The following ZNF16 variants were observed in gnomAD, a reference collection of about 807,000 sequenced individuals.
The protein encoded by ZNF16 is zinc finger protein 16.
Under a neutral mutation model 9.0 loss-of-function variants are expected in ZNF16, and 7 were observed. The ratio of observed to expected loss-of-function variants is 0.78; its 90% CI spans 0.44 to 1.47. The LOEUF (loss-of-function observed/expected upper bound fraction) is 1.47, where lower values mean the gene tolerates loss of function less well. Ranked by LOEUF, ZNF16 falls within the 40% of genes most tolerant of loss-of-function variation. ZNF16 has a pLI of 0.01. For synonymous variants in ZNF16, 312 were observed against 301.5 expected (o/e 1.03, Z -0.36); for missense variants, 830 against 854.2 (o/e 0.97, Z 0.35).
chr8:144,950,120 T>C (rs188280546), intron 1 of ZNF16, among the ~76,000 whole-genome samples: 3,134 of 152,152 alleles, frequency 0.021, 42 homozygotes, highest in Middle Eastern at 0.065. Flanking sequence ...GAAACAAATC[T>C]GGCCTACGTG....
In ZNF16 at chr8:144,942,134, T is replaced by C. The variant is rs564507855; in HGVS notation, c.196+3877A>G. On this transcript the variant is annotated intron_variant, in intron 2 of 2. Transcript: ENST00000394909. ...CTGGGACTACAGGTGCCCACCACCT[T>C]GCCTGGCTAATTTTTTTGTATTTTT... Among the ~76,000 whole-genome samples the C allele has an allele frequency of 1.5e-4, 22 of 150,922 alleles. 1 individual carries two copies. Among genetic ancestry groups the C allele is most frequent in the South Asian group, 1.3e-3 (6 of 4,750 alleles).
chr8:144,940,342 A>G (rs887911563), intron 2 of ZNF16, among the ~76,000 whole-genome samples: 2 of 152,080 alleles, frequency 1.3e-5, no homozygotes, highest in South Asian at 2.1e-4. Context: ...CAGCCTCCCA[A>G]TCACACCTGG....
At chr8:144,947,940 C>T (rs1260181871) in intron 1 of ZNF16, 1 of 152,330 alleles carries the variant, frequency 6.6e-6, no homozygotes, top group African/African-American at 2.4e-5. Flanking sequence ...ACTGACATAC[C>T]TCAGCCCTTC....
rs930051721 is a variant in ZNF16, at chr8:144,937,350, G to A, written c.197-4760C>T. ...GGGGTTTCGCCATATTGGCCAGGCTGGTCTCAAACTCCTGACATCAGGTGA... is the reference window on the plus strand; with the variant it reads ...GGGGTTTCGCCATATTGGCCAGGCTAGTCTCAAACTCCTGACATCAGGTGA... On this transcript the variant is annotated intron_variant, in intron 2 of 2. Coordinates refer to ENST00000394909, the MANE Select transcript of ZNF16 (RefSeq NM_006958.3). Among the ~76,000 whole-genome samples, 11 of 151,892 alleles carry A rather than the reference G, an allele frequency of 7.2e-5. 1 individual carries two copies. The Middle Eastern group carries it at 0.01, about 142-fold the overall frequency.
At chr8:144,942,809 A>G (rs1256872517) in intron 2 of ZNF16, among the ~76,000 whole-genome samples, 1 of 152,222 alleles carries the variant, frequency 6.6e-6, no homozygotes, top group African/African-American at 2.4e-5. Context: ...TGTTCTTTAG[A>G]TCACTTAGGA....
intron 2 of ZNF16, among the ~76,000 whole-genome samples, chr8:144,934,658 C>A (rs984350983): frequency 2.0e-5 from 3 of 152,196 alleles, no homozygotes; most frequent in Non-Finnish European, 4.4e-5. Flanking sequence ...CATCCTCCAC[C>A]CCTGCCAAGA....
At position 144,932,626 on chromosome 8, in the gene ZNF16, T is replaced by G; in HGVS notation, c.197-36A>C. The G allele has an allele frequency of 6.3e-7, 1 of 1,586,332 alleles. No homozygotes were observed. Among genetic ancestry groups the G allele is most frequent in the Non-Finnish European group, 8.6e-7 (1 of 1,166,426 alleles). ...AAATAGAATATCACTTGGAAGGCAG[T>G]GCTGCAGCAGGAGCAGGAACATAGA... On this transcript the variant is annotated intron_variant, in intron 2 of 2. Coordinates refer to ENST00000394909, the MANE Select transcript of ZNF16 (RefSeq NM_006958.3). The surrounding 1 kb of genome is among the most constrained non-coding windows in gnomAD (Gnocchi z 5.0).
At chr8:144,949,954 C>T (rs192829951) in intron 1 of ZNF16, among the ~76,000 whole-genome samples, 1,759 of 152,280 alleles carry the variant, frequency 0.012, 12 homozygotes, top group Middle Eastern at 0.02. Flanking sequence ...CTCTCTCCTG[C>T]CTGCCCCTGG....
intron 2 of ZNF16, among the ~76,000 whole-genome samples, chr8:144,940,546 G>A (rs1833776125): frequency 6.6e-6 from 1 of 152,164 alleles, no homozygotes; most frequent in Non-Finnish European, 1.5e-5. Flanking sequence ...TTTCCCCGCT[G>A]TTGCTGGTCA....
At chr8:144,938,061 C>T (rs549734445) in intron 2 of ZNF16, among the ~76,000 whole-genome samples, 1 of 152,278 alleles carries the variant, frequency 6.6e-6, no homozygotes, top group East Asian at 1.9e-4. Context: ...ACTTGGTACC[C>T]TTGTTGAAAA....
At position 144,931,077 on chromosome 8, in the gene ZNF16, C is replaced by T; in HGVS notation, c.1710G>A (p.Leu570=). ...CACACTGGTTACATTCATGGGGCTT[C>T]AGCCCATTATGAATCCTCTGATGCT... ...LIQHQRIHNG[L]KPHECNQCGK... The change falls in exon 3 of 3, where the codon CTG becomes CTA. Residue 570 remains leucine, a synonymous_variant. Transcript: ENST00000394909. The T allele has an allele frequency of 6.2e-7, 1 of 1,614,228 alleles. No individual in the cohort carries two copies. The highest frequency in any genetic ancestry group is 8.5e-7 in the Non-Finnish European group (1 of 1,180,036).
intron 2 of ZNF16, chr8:144,944,306 G>A (rs924357719): frequency 6.6e-6 from 1 of 152,036 alleles, no homozygotes; most frequent in Non-Finnish European, 1.5e-5. Flanking sequence ...TCCTGACCTC[G>A]TGATCCACCT....
At chr8:144,947,319 CGGGCCTGTATCCTGCTGT>C (rs1833986858) in intron 1 of ZNF16, among the ~76,000 whole-genome samples, 1 of 31,012 alleles carries the variant, frequency 3.2e-5, no homozygotes, top group Non-Finnish European at 5.5e-5. Context: ...TACCCTGCTG[CGGGCCTGTATCCTGCTGT>C]GGGCCTGTGT....
chr8:144,949,676 A>G (rs562382388), intron 1 of ZNF16, among the ~76,000 whole-genome samples: 32 of 152,352 alleles, frequency 2.1e-4, no homozygotes, highest in Non-Finnish European at 4.1e-4. Flanking sequence ...TGTTAACAAA[A>G]TGTTTACAAG....
Position 144,932,029 on chromosome 8 carries a change from T to C in ZNF16, c.758A>G (p.Lys253Arg). The C allele has an allele frequency of 6.2e-7, 1 of 1,614,058 alleles. No individual in the cohort carries two copies. Among genetic ancestry groups the C allele is most frequent in the Non-Finnish European group, 8.5e-7 (1 of 1,179,992 alleles). Residue 253 changes from lysine (K) to arginine (R), a missense_variant, in exon 3 of 3, where the codon AAA (lysine) becomes AGA (arginine). Lys to Arg is a conservative substitution (Grantham distance 26). Coordinates refer to ENST00000394909, the MANE Select transcript of ZNF16 (RefSeq NM_006958.3). The surrounding 1 kb of genome is among the most constrained non-coding windows in gnomAD (Gnocchi z 5.0). ...ACTCATATGAGATCGATGACGGTTTTTAAGAACTGAGTTCTGGCTGAAGGT... is the reference window on the plus strand; with the variant it reads ...ACTCATATGAGATCGATGACGGTTTCTAAGAACTGAGTTCTGGCTGAAGGT... Reference protein sequence around the residue: ...GKTFSQNSVLKNRHRSHMSEK... With the variant: ...GKTFSQNSVLRNRHRSHMSEK...
chr8:144,945,796 G>A (rs757246163), intron 2 of ZNF16: 28 of 910,426 alleles, frequency 3.1e-5, no homozygotes, highest in Admixed American at 9.0e-5. Context: ...ATACCTCTTC[G>A]TGTCAAGTGG....
Position 144,933,624 on chromosome 8 carries a change from C to T in ZNF16, c.197-1034G>A, listed in dbSNP as rs1264849976. Among the ~76,000 whole-genome samples the T allele has an allele frequency of 3.3e-5, 5 of 152,176 alleles. No individual in the cohort carries two copies. Among genetic ancestry groups the T allele is most frequent in the Non-Finnish European group, 7.4e-5 (5 of 68,026 alleles). On this transcript the variant is annotated intron_variant, in intron 2 of 2. Transcript: ENST00000394909. The surrounding 1 kb of genome is among the most constrained non-coding windows in gnomAD (Gnocchi z 5.6). ...CCTGGCCCCCAACCTCCCCTCCTGC[C>T]CACAGCCTGGTGACATCAGACCCAG...
At chr8:144,942,780 T>C (rs1449155092) in intron 2 of ZNF16, among the ~76,000 whole-genome samples, 1 of 152,224 alleles carries the variant, frequency 6.6e-6, no homozygotes, top group Non-Finnish European at 1.5e-5. Context: ...AGACTTATAA[T>C]GCAGACCTTT....
chr8:144,949,850 T>G lies in ZNF16; in HGVS notation c.-10+947A>C, dbSNP rs969853061. On this transcript the variant is annotated intron_variant, in intron 1 of 2. Coordinates refer to ENST00000394909, the MANE Select transcript of ZNF16 (RefSeq NM_006958.3). ...ATGGCCTCATGGGATGAGAAAGACC[T>G]GACCGTCCCCCAGCCCAACGCCCGT... Among the ~76,000 whole-genome samples the G allele has an allele frequency of 7.2e-5, 11 of 152,312 alleles. No individual in the cohort carries two copies. In the East Asian group the frequency reaches 1.4e-3, roughly 19 times the overall value.
Sources: gnomAD v4.1 joint callset for allele counts (sites outside exome capture counted in the v4.1 genomes callset) on GRCh38, gnomAD v4.1.1 for gene constraint, Gnocchi (gnomAD v3.1) non-coding constraint, MANE v1.5 for transcripts, NCBI Gene and HGNC (gene_info 2026-07-23, HGNC 2026-07-21) for gene names.